WDR7: variants seen among roughly 807,000 people sequenced by gnomAD.
WDR7 encodes the protein WD repeat-containing protein 7.
A neutral mutation model predicts 169.4 loss-of-function variants in WDR7; 46 were observed. The ratio of observed to expected loss-of-function variants is 0.27; its 90% CI spans 0.21 to 0.35. WDR7 has a LOEUF of 0.35. Among genes scored for constraint, WDR7 ranks in the 10% least tolerant of loss-of-function variants. WDR7 has a pLI of 1.00. For missense variants in WDR7, 1,534 were observed against 1,859.3 expected (o/e 0.83, Z 3.22); for synonymous variants, 612 against 666.8 (o/e 0.92, Z 1.27).
intron 1 of WDR7, among the ~76,000 whole-genome samples, chr18:56,660,667 AAAAAAAG>A (rs1272716444): frequency 1.3e-5 from 2 of 151,924 alleles, no homozygotes; most frequent in African/African-American, 2.4e-5. Flanking sequence ...TTAAAAAAAA[AAAAAAAG>A]AAAGAAAAGA....
At chr18:56,790,526 T>C (rs189798744) in intron 19 of WDR7, among the ~76,000 whole-genome samples, 11 of 152,306 alleles carry the variant, frequency 7.2e-5, no homozygotes, top group Admixed American at 4.6e-4. Context: ...TTACCTGTAA[T>C]ATTTTTATTA....
chr18:56,760,164 C>G (rs2043960017), intron 16 of WDR7, among the ~76,000 whole-genome samples: 1 of 152,112 alleles, frequency 6.6e-6, no homozygotes, highest in South Asian at 2.1e-4. Context: ...AATATACATA[C>G]AGAAACATGC....
At chr18:56,814,623 A>C (rs147753341) in intron 19 of WDR7, among the ~76,000 whole-genome samples, 1,672 of 152,232 alleles carry the variant, frequency 0.011, 32 homozygotes, top group African/African-American at 0.038. Context: ...AACAACAGAC[A>C]CCGGGGTGTA....
chr18:56,747,148 TGAATGTTGA>T (rs1193035847), intron 14 of WDR7, among the ~76,000 whole-genome samples: 2 of 152,312 alleles, frequency 1.3e-5, no homozygotes, highest in East Asian at 3.9e-4. Flanking sequence ...CTCTACAGAA[TGAATGTTGA>T]GAGTCCCCTG....
chr18:57,004,982 A>ATTTTG (rs2048035185), intron 26 of WDR7, among the ~76,000 whole-genome samples: 4 of 152,166 alleles, frequency 2.6e-5, no homozygotes, highest in African/African-American at 9.7e-5. Flanking sequence ...ATATTTAAAG[A>ATTTTG]GTACTCTTGG....
intron 21 of WDR7, 142 bp from the exon 22 acceptor site, chr18:56,923,780 A>G: frequency 8.1e-6 from 6 of 743,122 alleles, no homozygotes; most frequent in Non-Finnish European, 1.2e-5. Flanking sequence ...CCATTTATCC[A>G]AGATCTTGTG....
At chr18:56,937,022 C>T (rs1444824442) in intron 23 of WDR7, among the ~76,000 whole-genome samples, 5 of 152,046 alleles carry the variant, frequency 3.3e-5, no homozygotes. Flanking sequence ...GGAATATGCA[C>T]AGGTCATAAT....
chr18:56,991,120 T>G (rs547734393), intron 26 of WDR7, among the ~76,000 whole-genome samples: 7,267 of 149,160 alleles, frequency 0.049, 405 homozygotes, highest in African/African-American at 0.14. Context: ...CACCTCTTAC[T>G]AGCTACCGTA....
At chr18:56,683,930 G>A (rs1466775385) in intron 5 of WDR7, among the ~76,000 whole-genome samples, 3 of 152,186 alleles carry the variant, frequency 2.0e-5, no homozygotes, top group Non-Finnish European at 4.4e-5. Flanking sequence ...ACTTAAGGGA[G>A]TCAAATTCTA....
At chr18:56,841,079 G>T (rs533892903) in intron 20 of WDR7, among the ~76,000 whole-genome samples, 1 of 151,954 alleles carries the variant, frequency 6.6e-6, no homozygotes, top group Non-Finnish European at 1.5e-5. Flanking sequence ...TGTAATCCCA[G>T]CTACTCGGGA....
chr18:56,866,147 G>A (rs1234689249), intron 20 of WDR7, among the ~76,000 whole-genome samples: 1 of 152,040 alleles, frequency 6.6e-6, no homozygotes, highest in Non-Finnish European at 1.5e-5. Context: ...TCACCTTGTG[G>A]CTTGAACACT....
chr18:57,032,191 C>T (rs1057469082), downstream of WDR7: 1 of 152,178 alleles, frequency 6.6e-6, no homozygotes, highest in Non-Finnish European at 1.5e-5. Context: ...AGAAAGATCA[C>T]CGCATTAGAT....
At chr18:56,957,876 C>T (rs1023745166) in intron 25 of WDR7, among the ~76,000 whole-genome samples, 4 of 152,130 alleles carry the variant, frequency 2.6e-5, no homozygotes, top group Non-Finnish European at 5.9e-5. Context: ...AGTAACTTAA[C>T]ATCCTGAGAT....
rs932858109 is a variant in WDR7, at chr18:56,988,876, T to C, written c.4164+26347T>C. Among the ~76,000 whole-genome samples, 5 of 152,132 alleles carry C rather than the reference T, an allele frequency of 3.3e-5. No homozygotes were observed. In the East Asian group the frequency reaches 5.8e-4, roughly 18 times the overall value. On this transcript the variant is annotated intron_variant, in intron 26 of 27. Transcript: ENST00000254442. ...AGAGGGGGATGGAGAAAAATGTTAG[T>C]TTTGTAGCCTTGTTTTTGTTCCGGT...
intron 26 of WDR7, among the ~76,000 whole-genome samples, chr18:57,007,848 T>G (rs1412641932): frequency 6.6e-6 from 1 of 152,204 alleles, no homozygotes; most frequent in African/African-American, 2.4e-5. Flanking sequence ...TATCTACTCT[T>G]CATGGACTTT....
chr18:56,756,736 A>G lies in WDR7; in HGVS notation c.2143A>G (p.Ile715Val). The G allele has an allele frequency of 6.2e-7, 1 of 1,614,100 alleles. No individual in the cohort carries two copies. The highest frequency in any genetic ancestry group is 8.5e-7 in the Non-Finnish European group (1 of 1,180,010). ...EEASRPNTAL[I>V]SPENLQKASG... ...AGCCTCTAGGCCGAATACTGCTCTT[A>G]TTTCCCCAGAGAATTTGCAAAAAGC... is the stretch of plus-strand genomic sequence containing the variant. Residue 715 changes from isoleucine (I) to valine (V), a missense_variant, in exon 15 of 28, where the codon ATT becomes GTT. Physicochemically the swap from Ile to Val is conservative, Grantham distance 29. Transcript: ENST00000254442.
intron 19 of WDR7, among the ~76,000 whole-genome samples, chr18:56,808,409 A>G (rs559143714): frequency 2.2e-4 from 34 of 152,166 alleles, no homozygotes; most frequent in Non-Finnish European, 4.6e-4. Flanking sequence ...CTATTTTTCA[A>G]TCTCAGTGGA....
Position 56,756,890 on chromosome 18 carries a change from A to C in WDR7, c.2297A>C (p.Glu766Ala). Residue 766 changes from glutamate to alanine, a missense_variant, in exon 15 of 28, where the codon GAG becomes GCG. Glu to Ala is a moderately radical substitution (Grantham distance 107, BLOSUM62 -1). Coordinates refer to ENST00000254442, the MANE Select transcript of WDR7 (RefSeq NM_015285.3). The stretch of plus-strand genomic sequence containing the variant: ...CTCCTTGATGATGAAGAGGAGGATG[A>C]GGAGATAATGAGGCAGAGAAGGGAA... The part of the protein sequence containing the change: ...EHLLDDEEED[E>A]EIMRQRREES... The C allele has an allele frequency of 6.2e-7, 1 of 1,614,120 alleles. No homozygotes were observed. Among genetic ancestry groups the C allele is most frequent in the South Asian group, 1.1e-5 (1 of 91,082 alleles).
chr18:56,740,851 G>C (rs918766878), intron 14 of WDR7, among the ~76,000 whole-genome samples: 1 of 152,100 alleles, frequency 6.6e-6, no homozygotes, highest in Admixed American at 6.6e-5. Flanking sequence ...CCCTGTGTCA[G>C]CTTCTGTTTT....
Sources: gnomAD v4.1 joint callset for allele counts (sites outside exome capture counted in the v4.1 genomes callset) on GRCh38, gnomAD v4.1.1 for gene constraint, MANE v1.5 for transcripts, NCBI Gene and HGNC (gene_info 2026-07-23, HGNC 2026-07-21) for gene names.